KCMF1: variants seen among roughly 807,000 people sequenced by gnomAD.
KCMF1 encodes potassium channel modulatory factor 1.
Under a neutral mutation model 41.1 loss-of-function variants are expected in KCMF1, and 3 were observed. The ratio of observed to expected loss-of-function variants is 0.07; its 90% CI spans 0.03 to 0.19. The LOEUF is 0.19. Among genes scored for constraint, KCMF1 ranks in the 10% least tolerant of loss-of-function variants. KCMF1 has a pLI of 1.00. For synonymous variants in KCMF1, 142 were observed against 164.5 expected (o/e 0.86, Z 1.04); for missense variants, 286 against 488.9 (o/e 0.58, Z 3.91).
intron 5 of KCMF1, 29 bp downstream of exon 5, chr2:85,046,307 A>G (rs1179879266): frequency 4.4e-6 from 7 of 1,583,560 alleles, no homozygotes; most frequent in Non-Finnish European, 5.2e-6. Context: ...AATAAGGGAA[A>G]TGGCAGGGGA....
chr2:85,011,000 C>T (rs1558574672), intron 1 of KCMF1, among the ~76,000 whole-genome samples: 1 of 152,062 alleles, frequency 6.6e-6, no homozygotes, highest in Non-Finnish European at 1.5e-5. Context: ...CATGCCACCA[C>T]GCCCAGCCAA....
In KCMF1 at chr2:85,046,260, G is replaced by A; in HGVS notation, c.583G>A (p.Ala195Thr). The change falls in exon 5 of 7, where the codon GCC becomes ACC. Residue 195 changes from alanine (A) to threonine (T), a missense_variant. Physicochemically the swap from Ala to Thr is moderately conservative, Grantham distance 58. Coordinates refer to ENST00000409785, the MANE Select transcript of KCMF1 (RefSeq NM_020122.5). ...TTCATATTCTCCAAGCAATAGGGAA[G>A]CCATGGATCCTATAGCTGGTAAGTT... ...QSSYSPSNRE[A>T]MDPIAELLSQ... The A allele has an allele frequency of 3.1e-6, 5 of 1,612,558 alleles. No individual in the cohort carries two copies. The highest frequency in any genetic ancestry group is 4.2e-6 in the Non-Finnish European group (5 of 1,179,112).
intron 1 of KCMF1, among the ~76,000 whole-genome samples, chr2:85,008,328 AAT>A (rs1426950099): frequency 1.1e-5 from 1 of 94,376 alleles, no homozygotes; most frequent in African/African-American, 4.2e-5. Flanking sequence ...TATCATATAT[AAT>A]ATATAATATG....
intron 1 of KCMF1, among the ~76,000 whole-genome samples, chr2:85,024,911 T>C (rs1675056206): frequency 6.6e-6 from 1 of 152,238 alleles, no homozygotes; most frequent in Non-Finnish European, 1.5e-5. Context: ...TTCCGTTCTA[T>C]TCCATGGGCC....
At chr2:85,024,596 G>A (rs922036034) in intron 1 of KCMF1, among the ~76,000 whole-genome samples, 1 of 152,048 alleles carries the variant, frequency 6.6e-6, no homozygotes, top group Non-Finnish European at 1.5e-5. Context: ...GTGTGTGTGT[G>A]TGTGTGTGTG....
intron 1 of KCMF1, among the ~76,000 whole-genome samples, chr2:85,025,773 T>C (rs1050726818): frequency 6.6e-6 from 1 of 152,084 alleles, no homozygotes; most frequent in African/African-American, 2.4e-5. Flanking sequence ...CATGCCTCAC[T>C]AATTTTTTTG....
intron 5 of KCMF1, among the ~76,000 whole-genome samples, chr2:85,047,073 A>C (rs955195911): frequency 6.6e-6 from 1 of 152,124 alleles, no homozygotes; most frequent in Non-Finnish European, 1.5e-5. Context: ...GTATTATCCA[A>C]ATGCCCATTT....
intron 4 of KCMF1, among the ~76,000 whole-genome samples, chr2:85,044,225 G>A (rs192961133): frequency 4.6e-5 from 7 of 152,258 alleles, no homozygotes; most frequent in Admixed American, 4.6e-4. Context: ...TGGGTGTGGT[G>A]TGGTGAGATG....
At chr2:84,998,650 G>C (rs1674235162) in intron 1 of KCMF1, among the ~76,000 whole-genome samples, 1 of 151,654 alleles carries the variant, frequency 6.6e-6, no homozygotes, top group Admixed American at 6.6e-5. Context: ...ACCCAGGCTG[G>C]AGTGCAGTGA....
intron 1 of KCMF1, among the ~76,000 whole-genome samples, chr2:84,986,269 ATG>A (rs1383413295): frequency 6.6e-6 from 1 of 152,186 alleles, no homozygotes; most frequent in East Asian, 1.9e-4. Context: ...TAACCCTTGT[ATG>A]ACTGGGGCAA....
intron 1 of KCMF1, among the ~76,000 whole-genome samples, chr2:85,017,117 C>T (rs573398114): frequency 2.7e-5 from 4 of 150,390 alleles, no homozygotes; most frequent in Non-Finnish European, 5.9e-5. Context: ...CTCCGCTTCC[C>T]GGGTTCACGC....
intron 1 of KCMF1, among the ~76,000 whole-genome samples, chr2:84,980,287 C>T (rs1673697367): frequency 6.6e-6 from 1 of 152,104 alleles, no homozygotes; most frequent in Admixed American, 6.6e-5. Context: ...GACCAGTGGC[C>T]AGGTGGGTGT....
At position 85,046,174 on chromosome 2, in the gene KCMF1, C is replaced by G; in HGVS notation, c.497C>G (p.Ala166Gly). ...HPGRGLGGPRARRSNMHFTSS... is the reference protein window; with the variant it reads ...HPGRGLGGPRGRRSNMHFTSS... ...GGCCGGGGATTAGGAGGTCCTCGTG[C>G]TCGTAGATCAAACATGCACTTTACT... The change falls in exon 5 of 7, where the codon GCT (alanine) becomes GGT (glycine). Residue 166 changes from alanine (A) to glycine (G), a missense_variant. Physicochemically the swap from Ala to Gly is moderately conservative, Grantham distance 60. Around this residue, in one of 2 missense-constraint regions of KCMF1, gnomAD observed 191 missense variants for 279.3 expected, o/e 0.68. Coordinates refer to ENST00000409785, the MANE Select transcript of KCMF1 (RefSeq NM_020122.5). The G allele has an allele frequency of 6.2e-7, 1 of 1,613,442 alleles. No homozygotes were observed. Among genetic ancestry groups the G allele is most frequent in the Non-Finnish European group, 8.5e-7 (1 of 1,179,606 alleles).
At chr2:85,047,588 A>G (rs562199260) in intron 5 of KCMF1, among the ~76,000 whole-genome samples, 9 of 148,042 alleles carry the variant, frequency 6.1e-5, no homozygotes, top group African/African-American at 1.5e-4. Context: ...ATAGCTTGGG[A>G]AAAATCTTAA....
chr2:85,004,483 G>C (rs1018564697), intron 1 of KCMF1, among the ~76,000 whole-genome samples: 1 of 151,850 alleles, frequency 6.6e-6, no homozygotes, highest in African/African-American at 2.4e-5. Context: ...CTGCACTCCA[G>C]CCTGGGCGAC....
intron 1 of KCMF1, among the ~76,000 whole-genome samples, chr2:84,974,161 C>T (rs1415856536): frequency 2.6e-5 from 4 of 152,144 alleles, no homozygotes; most frequent in Non-Finnish European, 5.9e-5. Context: ...TTTTTGCACT[C>T]TCAGTCATCT....
chr2:85,001,302 C>A (rs960185853), intron 1 of KCMF1, among the ~76,000 whole-genome samples: 10 of 151,390 alleles, frequency 6.6e-5, no homozygotes, highest in Non-Finnish European at 1.0e-4. Flanking sequence ...TGACTACAGG[C>A]GTATACCACC....
At chr2:85,022,924 T>A (rs769006643) in intron 1 of KCMF1, among the ~76,000 whole-genome samples, 1 of 144,410 alleles carries the variant, frequency 6.9e-6, no homozygotes, top group Non-Finnish European at 1.5e-5. Flanking sequence ...AGTCTCGCTC[T>A]GTTGCCCAGG....
intron 1 of KCMF1, among the ~76,000 whole-genome samples, chr2:85,023,577 T>C (rs1378922302): frequency 6.6e-6 from 1 of 152,122 alleles, no homozygotes; most frequent in Non-Finnish European, 1.5e-5. Flanking sequence ...CGCCTCGGTC[T>C]CCCAAAGTGC....
Sources: allele counts gnomAD v4.1 joint callset (sites outside exome capture counted in the v4.1 genomes callset), GRCh38; gene constraint gnomAD v4.1.1; regional missense constraint gnomAD v4.1.1; transcripts MANE v1.5; gene names NCBI Gene and HGNC (gene_info 2026-07-23, HGNC 2026-07-21).